Variants in SDK2 observed in about 807,000 individuals in gnomAD.
SDK2 encodes protein sidekick-2.
SDK2 carries 105 observed loss-of-function variants against 253.9 expected under a neutral mutation model. The observed-to-expected ratio is 0.41, with a 90% CI of 0.35 to 0.49. The LOEUF (loss-of-function observed/expected upper bound fraction) is 0.49, where lower values mean the gene tolerates loss of function less well. Ranked by LOEUF, SDK2 falls within the 20% of genes least tolerant of loss-of-function variation. SDK2 has a pLI of 0.06. For missense variants in SDK2, 2,608 were observed against 3,003.0 expected (o/e 0.87, Z 3.07); for synonymous variants, 1,249 against 1,234.9 (o/e 1.01, Z -0.24).
Position 73,644,323 on chromosome 17 carries a change from G to C in SDK2, c.-235C>G, listed in dbSNP as rs990047324. 6.6e-6 allele frequency among the ~76,000 whole-genome samples: 1 copy of C among 152,196 alleles called. No individual in the cohort carries two copies. The highest frequency in any genetic ancestry group is 1.9e-4 in the East Asian group (1 of 5,180). ...GCCCGGAAGGCGAGGGGCGAGCAGG[G>C]AGAAAGAGGCCAGGCCGCCCTCTCG... is the stretch of plus-strand genomic sequence containing the variant. On this transcript the variant is annotated 5_prime_UTR_variant, in exon 1 of 45. Coordinates refer to ENST00000392650, the MANE Select transcript of SDK2 (RefSeq NM_001144952.2). This position sits in a 1 kb window ranked among gnomAD's most constrained non-coding sequence, Gnocchi z 6.3.
intron 1 of SDK2, among the ~76,000 whole-genome samples, chr17:73,578,923 A>G (rs1681471): frequency 0.4 from 60,609 of 151,780 alleles, 12,589 homozygotes; most frequent in African/African-American, 0.52. Context: ...GGCACCCCAA[A>G]GTCACTCTGT....
intron 2 of SDK2, among the ~76,000 whole-genome samples, chr17:73,503,057 G>A (rs941337214): frequency 6.6e-6 from 1 of 152,174 alleles, no homozygotes; most frequent in African/African-American, 2.4e-5. Flanking sequence ...CCACATTGAG[G>A]GAAATTCTGC....
chr17:73,373,519 C>A (rs933212261), intron 36 of SDK2, among the ~76,000 whole-genome samples: 1 of 152,190 alleles, frequency 6.6e-6, no homozygotes, highest in Non-Finnish European at 1.5e-5. Flanking sequence ...CGCTTACCAC[C>A]ACTTATCTCT....
At chr17:73,537,249 G>A (rs1014099188) in intron 1 of SDK2, among the ~76,000 whole-genome samples, 1 of 152,190 alleles carries the variant, frequency 6.6e-6, no homozygotes, top group Non-Finnish European at 1.5e-5. Context: ...CCAACCTCCT[G>A]CCCTGCTCGC....
intron 33 of SDK2, among the ~76,000 whole-genome samples, 161 bp from the exon 34 acceptor site, chr17:73,381,111 G>A (rs1599503740): frequency 6.6e-6 from 1 of 152,284 alleles, no homozygotes; most frequent in East Asian, 1.9e-4. Context: ...CTGAGTTACG[G>A]GCCAGGATAA....
At chr17:73,636,702 A>AAAAG (rs2046336002) in intron 1 of SDK2, among the ~76,000 whole-genome samples, 5 of 99,966 alleles carry the variant, frequency 5.0e-5, no homozygotes, top group African/African-American at 2.1e-4. Flanking sequence ...AAAAAAAAAA[A>AAAAG]AAAAGAAAAG....
At chr17:73,439,524 C>A (rs1009589486) in intron 6 of SDK2, among the ~76,000 whole-genome samples, 1 of 152,040 alleles carries the variant, frequency 6.6e-6, no homozygotes, top group Admixed American at 6.6e-5. Context: ...AGTTTGATAC[C>A]GGCCTGGGCA....
intron 1 of SDK2, among the ~76,000 whole-genome samples, chr17:73,580,332 G>A (rs558141056): frequency 1.3e-5 from 2 of 152,356 alleles, no homozygotes; most frequent in South Asian, 4.1e-4. Flanking sequence ...GATGCTCTGA[G>A]GACATGGTTT....
rs866735663 is a variant in SDK2 at position 73,601,177 on chromosome 17, G to A, written c.64+42848C>T. ...TGGGAATACAGGCATGCACCACCAC[G>A]CCCAGCTAATTTTTGTATTTTTAGT... is the stretch of plus-strand genomic sequence containing the variant. On this transcript the variant is annotated intron_variant, in intron 1 of 44. Transcript: ENST00000392650. 8.6e-5 allele frequency among the ~76,000 whole-genome samples: 13 copies of A among 151,834 alleles called. No homozygotes were observed. The South Asian group carries it at 1.3e-3, about 15-fold the overall frequency.
At chr17:73,640,430 C>T (rs1006051065) in intron 1 of SDK2, among the ~76,000 whole-genome samples, 3 of 152,056 alleles carry the variant, frequency 2.0e-5, no homozygotes, top group South Asian at 2.1e-4. Flanking sequence ...CAGAATGTTC[C>T]GGACTCCCCC....
Position 73,455,055 on chromosome 17 carries a change from A to C in SDK2, c.479+851T>G, listed in dbSNP as rs2063515016. Among the ~76,000 whole-genome samples, 1 of 151,988 alleles carries C rather than the reference A, an allele frequency of 6.6e-6. No individual in the cohort carries two copies. The highest frequency in any genetic ancestry group is 2.1e-4 in the South Asian group (1 of 4,806). Reference sequence around the variant, plus strand: ...ATTGTTACTATGCTTCCTTCCCCCAACTAGACTTAATGCTCCCCAAAGGCA... The same window carrying C: ...ATTGTTACTATGCTTCCTTCCCCCACCTAGACTTAATGCTCCCCAAAGGCA... On this transcript the variant is annotated intron_variant, in intron 4 of 44. Coordinates refer to ENST00000392650, the MANE Select transcript of SDK2 (RefSeq NM_001144952.2). The surrounding 1 kb of genome is among the most constrained non-coding windows in gnomAD (Gnocchi z 5.0).
intron 18 of SDK2, 87 bp downstream of exon 18, chr17:73,414,557 A>G: frequency 1.0e-6 from 1 of 996,570 alleles, no homozygotes; most frequent in Non-Finnish European, 1.6e-6. Context: ...CAGAGGGGGG[A>G]TTTCCTCCTG....
intron 21 of SDK2, among the ~76,000 whole-genome samples, chr17:73,400,708 C>T (rs562185204): frequency 2.0e-5 from 3 of 151,072 alleles, no homozygotes; most frequent in Admixed American, 6.6e-5. Context: ...GACTGGAGTG[C>T]AGTGGTGTGA....
At chr17:73,605,865 C>G (rs759616418) in intron 1 of SDK2, among the ~76,000 whole-genome samples, 2 of 152,120 alleles carry the variant, frequency 1.3e-5, no homozygotes, top group African/African-American at 2.4e-5. Context: ...AGTCCCTTCT[C>G]TGGACTCAGC....
chr17:73,403,587 T>TA, intron 18 of SDK2, among the ~76,000 whole-genome samples: 1 of 152,342 alleles, frequency 6.6e-6, no homozygotes, highest in Non-Finnish European at 1.5e-5. Context: ...TGAGTTTTAA[T>TA]AAGCACGGGT....
intron 4 of SDK2, among the ~76,000 whole-genome samples, chr17:73,449,012 G>C (rs2063473371): frequency 6.6e-6 from 1 of 152,148 alleles, no homozygotes; most frequent in South Asian, 2.1e-4. Context: ...TAGGTGGGCT[G>C]GTTAGGAGGG....
intron 1 of SDK2, among the ~76,000 whole-genome samples, chr17:73,601,846 T>C (rs965562876): frequency 2.0e-5 from 3 of 151,900 alleles, no homozygotes; most frequent in African/African-American, 7.3e-5. Flanking sequence ...TGGGTTCAAG[T>C]GATTCTCCTG....
chr17:73,452,262 G>A (rs766727882), intron 4 of SDK2, among the ~76,000 whole-genome samples: 11 of 152,132 alleles, frequency 7.2e-5, no homozygotes, highest in Non-Finnish European at 1.5e-4. Flanking sequence ...AGATAGCAGC[G>A]CCTTCTGTGC....
chr17:73,456,307 T>A (rs2063525632), intron 3 of SDK2, among the ~76,000 whole-genome samples: 2 of 152,186 alleles, frequency 1.3e-5, no homozygotes, highest in African/African-American at 4.8e-5. Flanking sequence ...GAGAGGTTGG[T>A]CATCATTTCA....
Sources: gnomAD v4.1 joint callset for allele counts (sites outside exome capture counted in the v4.1 genomes callset) on GRCh38, gnomAD v4.1.1 for gene constraint, Gnocchi (gnomAD v3.1) non-coding constraint, MANE v1.5 for transcripts, NCBI Gene and HGNC (gene_info 2026-07-23, HGNC 2026-07-21) for gene names.